TBCE: variants seen among roughly 807,000 people sequenced by gnomAD.
TBCE encodes the protein tubulin-specific chaperone E.
TBCE carries 53 observed loss-of-function variants against 77.0 expected under a neutral mutation model. The ratio of observed to expected loss-of-function variants is 0.69; its 90% CI spans 0.55 to 0.87. The LOEUF is 0.87. TBCE is among the 40% of genes least tolerant of loss of function. TBCE has a pLI of 0.00. For synonymous variants in TBCE, 235 were observed against 241.3 expected, an observed-to-expected ratio of 0.97 and a Z score of 0.24; for missense variants, 624 against 622.4, an observed-to-expected ratio of 1.00 and a Z score of -0.03.
chr1:235,394,176 G>A (rs532394595), intron 2 of TBCE, among the ~76,000 whole-genome samples: 94 of 152,158 alleles, frequency 6.2e-4, no homozygotes, highest in African/African-American at 2.0e-3. Context: ...CTGGGTTCAC[G>A]CCATTCTCCT....
intron 1 of TBCE, among the ~76,000 whole-genome samples, chr1:235,375,551 G>T (rs1677243578): frequency 1.3e-5 from 2 of 152,076 alleles, no homozygotes; most frequent in Admixed American, 1.3e-4. Flanking sequence ...TGCAGAGTGG[G>T]CCAGTAACAG....
rs34144462 is a variant in TBCE, at chr1:235,370,550, A to AT, written c.-32+3062dup. ...ACAGGCGTGAGCCACTGCACCCGGC[A>AT]TTTTTTTTTTTTTTTTGGGAAGATC... On this transcript the variant is annotated intron_variant, in intron 1 of 16. Transcript: ENST00000642610. Among the ~76,000 whole-genome samples the AT allele has an allele frequency of 9.0e-3, 1,165 of 129,616 alleles. 9 individuals are homozygous for AT. The highest frequency in any genetic ancestry group is 0.021 in the African/African-American group (773 of 37,030). The allele number at this position is 129,616 out of a possible 152,430, so 85.0% of individuals were successfully genotyped here.
At chr1:235,425,696 AG>A (rs1680670890) in intron 5 of TBCE, among the ~76,000 whole-genome samples, 1 of 151,964 alleles carries the variant, frequency 6.6e-6, no homozygotes, top group South Asian at 2.1e-4. Flanking sequence ...CCTTGTTTCT[AG>A]TACCCCCAAG....
Position 235,380,158 on chromosome 1 carries a change from TTATTGTGTGTGTGTGTGTGTGTG to T in TBCE, c.100+11_100+33del. ...TGTCCCTCCCGTGGCAGGTAAGCAA[TTATTGTGTGTGTGTGTGTGTGTG>T]TGTGTGTGTGTGTGTGTGTGTGTGT... On this transcript the variant is annotated intron_variant, in intron 2 of 16. Coordinates refer to ENST00000642610, the MANE Select transcript of TBCE (RefSeq NM_003193.5). 2 of 1,555,264 alleles carry T rather than the reference TTATTGTGTGTGTGTGTGTGTGTG, an allele frequency of 1.3e-6. No homozygotes were observed. Among genetic ancestry groups the T allele is most frequent in the African/African-American group, 1.5e-5 (1 of 66,906 alleles).
intron 16 of TBCE, 32 bp downstream of exon 16, chr1:235,448,472 T>C (rs1290321499): frequency 6.3e-7 from 1 of 1,591,312 alleles, no homozygotes; most frequent in Non-Finnish European, 8.6e-7. Context: ...AAAGTCAAAG[T>C]CAAGCTTAGT....
chr1:235,421,263 A>G (rs1680385962), intron 5 of TBCE, among the ~76,000 whole-genome samples: 1 of 152,092 alleles, frequency 6.6e-6, no homozygotes, highest in African/African-American at 2.4e-5. Flanking sequence ...AACAAAGCAA[A>G]ACAAAACTGG....
At position 235,451,820 on chromosome 1, in the gene TBCE, C is replaced by T. The variant is rs1682920309; in HGVS notation, c.*3058C>T. On this transcript the variant is annotated 3_prime_UTR_variant, in exon 17 of 17. Transcript: ENST00000642610. ...GAATCCAGAACAGAAATCTCTGAAG[C>T]TAAAGCCAGCTTTGTGCTTGATTTC... 1 of 152,316 alleles carries T rather than the reference C, an allele frequency of 6.6e-6. No individual in the cohort carries two copies. Among genetic ancestry groups the T allele is most frequent in the Non-Finnish European group, 1.5e-5 (1 of 68,040 alleles). The allele number at this position is 152,316 out of a possible 1,614,324, so 9.4% of individuals were successfully genotyped here. A position where few individuals can be genotyped will look rare whatever the true frequency, so the allele number is the denominator to read the frequency against.
chr1:235,420,878 G>A (rs12758637), intron 5 of TBCE, among the ~76,000 whole-genome samples: 19,522 of 152,108 alleles, frequency 0.13, 1,585 homozygotes, highest in African/African-American at 0.23. Flanking sequence ...CCCCTGCCTC[G>A]GCCTCCCAAA....
chr1:235,374,257 A>G (rs372308945), intron 1 of TBCE, among the ~76,000 whole-genome samples: 1 of 146,044 alleles, frequency 6.8e-6, no homozygotes, highest in African/African-American at 2.6e-5. Flanking sequence ...TGCCTAGCCT[A>G]CACTGTTAAA....
At chr1:235,448,283 C>T in intron 15 of TBCE, 66 bp from the exon 16 acceptor site, 1 of 1,191,838 alleles carries the variant, frequency 8.4e-7, no homozygotes, top group Non-Finnish European at 1.2e-6. Context: ...GGTCTCATCA[C>T]ATGAGCTAGT....
chr1:235,394,739 G>T (rs1299946715), intron 2 of TBCE, among the ~76,000 whole-genome samples: 1 of 151,970 alleles, frequency 6.6e-6, no homozygotes, highest in Non-Finnish European at 1.5e-5. Flanking sequence ...TTGAGACAGA[G>T]TCTTGCTCTG....
chr1:235,367,686 C>T (rs1676628274), intron 1 of TBCE, 182 bp downstream of exon 1: 1 of 152,396 alleles, frequency 6.6e-6, no homozygotes, highest in Admixed American at 6.5e-5. Flanking sequence ...CCTGCGCCTC[C>T]TGGAAGGCCT....
At chr1:235,378,423 T>TA (rs2102809777) in intron 1 of TBCE, among the ~76,000 whole-genome samples, 1 of 152,146 alleles carries the variant, frequency 6.6e-6, no homozygotes, top group Admixed American at 6.6e-5. Context: ...TAAGTTTCAC[T>TA]ATGTTGCCCA....
At position 235,438,566 on chromosome 1, in the gene TBCE, G is replaced by C. The variant is rs1035344054; in HGVS notation, c.1117-203G>C. ...CCATCTCAAATTAAAAAAAAAAAGA[G>C]TGTAAAACTGAAATTCTTTTTTCTT... On this transcript the variant is annotated intron_variant, in intron 12 of 16. Coordinates refer to ENST00000642610, the MANE Select transcript of TBCE (RefSeq NM_003193.5). Among the ~76,000 whole-genome samples the C allele has an allele frequency of 1.6e-5, 2 of 122,526 alleles. 1 individual carries two copies. The highest frequency in any genetic ancestry group is 5.1e-4 in the South Asian group (2 of 3,908). The allele number at this position is 122,526 out of a possible 152,430, so 80.4% of individuals were successfully genotyped here. A position where few individuals can be genotyped will look rare whatever the true frequency, so the allele number is the denominator to read the frequency against.
Position 235,448,928 on chromosome 1 carries a change from C to T in TBCE, c.*166C>T. On this transcript the variant is annotated 3_prime_UTR_variant, in exon 17 of 17. Coordinates refer to ENST00000642610, the MANE Select transcript of TBCE (RefSeq NM_003193.5). ...TTGTTGGGAAGTGACCATTTCTAGG[C>T]TTATACATAATAGCAATAATAAAGG... 1 of 610,398 alleles carries T rather than the reference C, an allele frequency of 1.6e-6. No individual in the cohort carries two copies. The highest frequency in any genetic ancestry group is 1.7e-5 in the South Asian group (1 of 57,586). 37.8% of individuals were successfully genotyped at this position (610,398 alleles called of 1,614,324 possible). A position where few individuals can be genotyped will look rare whatever the true frequency, so the allele number is the denominator to read the frequency against.
chr1:235,440,640 C>T (rs1017372607), intron 13 of TBCE, among the ~76,000 whole-genome samples: 2 of 152,036 alleles, frequency 1.3e-5, no homozygotes, highest in Admixed American at 6.6e-5. Flanking sequence ...GTGATTCGCC[C>T]GCCTCAGCCT....
In TBCE at chr1:235,421,642, G is replaced by A. The variant is rs147040985; in HGVS notation, c.460+2081G>A. On this transcript the variant is annotated intron_variant, in intron 5 of 16. Transcript: ENST00000642610. ...GAGAATTGCTTGAACCCGGGAGGCG[G>A]AGGTTGCAGTGAGTGAGGTCATGCC... Among the ~76,000 whole-genome samples the A allele has an allele frequency of 6.0e-3, 915 of 152,196 alleles. 5 individuals are homozygous for A. The highest frequency in any genetic ancestry group is 0.027 in the Middle Eastern group (8 of 294).
chr1:235,418,459 T>C (rs1399257153), intron 4 of TBCE: 1 of 152,344 alleles, frequency 6.6e-6, no homozygotes, highest in East Asian at 1.9e-4. Flanking sequence ...ATTCTTTTCA[T>C]GAATAGAAAG....
intron 3 of TBCE, among the ~76,000 whole-genome samples, chr1:235,406,217 A>G (rs1353367418): frequency 6.6e-6 from 1 of 152,180 alleles, no homozygotes; most frequent in African/African-American, 2.4e-5. Context: ...AGTGGTGGAG[A>G]ACCACTGGTC....
Sources: allele counts gnomAD v4.1 joint callset (sites outside exome capture counted in the v4.1 genomes callset), GRCh38; gene constraint gnomAD v4.1.1; transcripts MANE v1.5; gene names NCBI Gene and HGNC (gene_info 2026-07-23, HGNC 2026-07-21).